Variants in EGFLAM observed in about 807,000 individuals in gnomAD.
EGFLAM encodes the protein pikachurin.
In EGFLAM, 79 loss-of-function variants were observed where a neutral mutation model predicts 113.1. The ratio of observed to expected loss-of-function variants is 0.70; its 90% CI spans 0.58 to 0.84. The LOEUF is 0.84. EGFLAM is among the 40% of genes least tolerant of loss of function. The probability of loss-of-function intolerance (pLI) is 0.00; values close to 1 mark genes in which losing one functional copy is unlikely to be tolerated. For missense variants in EGFLAM, 1,265 were observed against 1,291.6 expected, an observed-to-expected ratio of 0.98 and a Z score of 0.32; for synonymous variants, 504 against 487.6, an observed-to-expected ratio of 1.03 and a Z score of -0.44.
chr5:38,428,305 T>C (rs1309225529), intron 14 of EGFLAM, among the ~76,000 whole-genome samples: 1 of 152,228 alleles, frequency 6.6e-6, no homozygotes, highest in Non-Finnish European at 1.5e-5. Flanking sequence ...TCCTGGCTGA[T>C]AGAAAATGCT....
chr5:38,423,074 C>T (rs892457775), intron 12 of EGFLAM, among the ~76,000 whole-genome samples: 2 of 152,104 alleles, frequency 1.3e-5, no homozygotes, highest in African/African-American at 4.8e-5. Context: ...TAAATCCAAC[C>T]AAAGCAACCT....
intron 7 of EGFLAM, 92 bp from the exon 8 acceptor site, chr5:38,406,736 T>G (rs887434991): frequency 7.1e-6 from 9 of 1,261,690 alleles, no homozygotes; most frequent in Middle Eastern, 1.9e-4. Context: ...GAAGTGACCA[T>G]GTTTTCAAGT....
chr5:38,319,530 G>A (rs936070587), intron 1 of EGFLAM, among the ~76,000 whole-genome samples: 3 of 152,188 alleles, frequency 2.0e-5, no homozygotes, highest in African/African-American at 4.8e-5. Flanking sequence ...TGCCCTCATG[G>A]AGTTGACATT....
chr5:38,281,630 G>A (rs1193565083), intron 1 of EGFLAM, among the ~76,000 whole-genome samples: 2 of 152,060 alleles, frequency 1.3e-5, no homozygotes, highest in Non-Finnish European at 2.9e-5. Context: ...GAAGTGGCAC[G>A]GGGAAATTGA....
chr5:38,415,697 T>C (rs1162218006), intron 11 of EGFLAM, among the ~76,000 whole-genome samples: 1 of 152,174 alleles, frequency 6.6e-6, no homozygotes, highest in Non-Finnish European at 1.5e-5. Context: ...TAGTCCGTTC[T>C]CATACTGCTA....
At chr5:38,426,302 C>T (rs79683040) in intron 13 of EGFLAM, among the ~76,000 whole-genome samples, 1,755 of 152,090 alleles carry the variant, frequency 0.012, 29 homozygotes, top group African/African-American at 0.04. Context: ...CACATATGTG[C>T]GCTCACACAG....
At chr5:38,371,413 T>G (rs999971645) in intron 6 of EGFLAM, among the ~76,000 whole-genome samples, 1 of 152,088 alleles carries the variant, frequency 6.6e-6, no homozygotes, top group Non-Finnish European at 1.5e-5. Context: ...TAATCTCCTC[T>G]CCTCACAAAG....
intron 5 of EGFLAM, among the ~76,000 whole-genome samples, chr5:38,367,227 G>C (rs1740084749): frequency 6.6e-6 from 1 of 151,374 alleles, no homozygotes; most frequent in African/African-American, 2.4e-5. Context: ...GCTCGCAGCA[G>C]CCTCAACCTC....
Position 38,370,374 on chromosome 5 carries a change from A to G in EGFLAM, c.624A>G (p.Pro208=). 1 of 1,614,210 alleles carries G rather than the reference A, an allele frequency of 6.2e-7. No homozygotes were observed. The highest frequency in any genetic ancestry group is 8.5e-7 in the Non-Finnish European group (1 of 1,180,034). The change falls in exon 6 of 22, where the codon CCA becomes CCG. Residue 208 remains proline, a synonymous_variant. Coordinates refer to ENST00000322350, the MANE Select transcript of EGFLAM (RefSeq NM_152403.4). Reference sequence around the variant, plus strand: ...CCATGGTTATCAAGGGCCTCGATCCAGATACCAACTACCAGTTTGCCGTGA... The same window carrying G: ...CCATGGTTATCAAGGGCCTCGATCCGGATACCAACTACCAGTTTGCCGTGA... ...MDSMVIKGLD[P]DTNYQFAVRA...
intron 1 of EGFLAM, among the ~76,000 whole-genome samples, chr5:38,268,801 G>T (rs915749610): frequency 1.3e-5 from 2 of 152,064 alleles, no homozygotes; most frequent in Admixed American, 6.5e-5. Context: ...TTGCAGTAAG[G>T]TTCAAAAATA....
intron 11 of EGFLAM, among the ~76,000 whole-genome samples, chr5:38,414,728 G>A (rs1243008719): frequency 2.0e-5 from 3 of 152,130 alleles, no homozygotes; most frequent in Non-Finnish European, 4.4e-5. Context: ...TGTTTAGTTT[G>A]GAGAAGAGAA....
chr5:38,312,802 T>C (rs781659962), intron 1 of EGFLAM, among the ~76,000 whole-genome samples: 4 of 152,054 alleles, frequency 2.6e-5, no homozygotes, highest in Non-Finnish European at 5.9e-5. Context: ...AGTTAAAGTA[T>C]GCGGGCTGGG....
chr5:38,345,979 C>T (rs1236156617), intron 3 of EGFLAM: 1 of 152,130 alleles, frequency 6.6e-6, no homozygotes, highest in African/African-American at 2.4e-5. Flanking sequence ...TCACTGAATT[C>T]AACACGTTTC....
intron 21 of EGFLAM, 138 bp from the exon 22 acceptor site, chr5:38,463,694 C>T: frequency 1.0e-6 from 1 of 956,280 alleles, no homozygotes; most frequent in Admixed American, 2.2e-5. Context: ...GCTCAAGGGG[C>T]CCACAGCCCT....
At chr5:38,296,514 A>C (rs1214461740) in intron 1 of EGFLAM, among the ~76,000 whole-genome samples, 1 of 152,132 alleles carries the variant, frequency 6.6e-6, no homozygotes, top group Non-Finnish European at 1.5e-5. Context: ...TAAACATCAA[A>C]GGAATAAGGG....
intron 1 of EGFLAM, among the ~76,000 whole-genome samples, chr5:38,266,504 C>T (rs1478340671): frequency 6.6e-6 from 1 of 152,060 alleles, no homozygotes; most frequent in Non-Finnish European, 1.5e-5. Flanking sequence ...GAAGAAAAAC[C>T]TGAAAGAATT....
At position 38,359,006 on chromosome 5, in the gene EGFLAM, A is replaced by G. The variant is rs563700341; in HGVS notation, c.545+6675A>G. On this transcript the variant is annotated intron_variant, in intron 5 of 21. Coordinates refer to ENST00000322350, the MANE Select transcript of EGFLAM (RefSeq NM_152403.4). The stretch of plus-strand genomic sequence containing the variant: ...GGGGCAGCAATTCTTAGTGTTTATT[A>G]AAATAAGAACCAAGCATAAATATAG... 2.0e-5 allele frequency among the ~76,000 whole-genome samples: 3 copies of G among 152,350 alleles called. No individual in the cohort carries two copies. In the East Asian group the frequency reaches 5.8e-4, roughly 29 times the overall value.
At chr5:38,378,270 A>C (rs1740417059) in intron 6 of EGFLAM, among the ~76,000 whole-genome samples, 1 of 152,132 alleles carries the variant, frequency 6.6e-6, no homozygotes, top group Non-Finnish European at 1.5e-5. Context: ...CTGTTGTCCC[A>C]TAAGTGTCTG....
intron 17 of EGFLAM, among the ~76,000 whole-genome samples, chr5:38,441,331 T>A (rs1054955120): frequency 9.9e-5 from 15 of 152,262 alleles, no homozygotes; most frequent in African/African-American, 3.1e-4. Context: ...ATTTGGTGGT[T>A]TCAGTTTCAG....
Sources: gnomAD v4.1 joint callset for allele counts (sites outside exome capture counted in the v4.1 genomes callset) on GRCh38, gnomAD v4.1.1 for gene constraint, MANE v1.5 for transcripts, NCBI Gene and HGNC (gene_info 2026-07-23, HGNC 2026-07-21) for gene names.